The following CRTC1 variants were observed in gnomAD, a reference collection of about 807,000 sequenced individuals.
CRTC1 encodes the protein CREB regulated transcription coactivator 1.
CRTC1 carries 18 observed loss-of-function variants against 66.1 expected under a neutral mutation model. That is an observed-to-expected ratio of 0.27 (90% CI 0.19 to 0.40). The LOEUF is 0.40. Among genes scored for constraint, CRTC1 ranks in the 10% least tolerant of loss-of-function variants. The probability of loss-of-function intolerance (pLI) is 1.00; values close to 1 mark genes in which losing one functional copy is unlikely to be tolerated. For missense variants in CRTC1, 669 were observed against 887.9 expected, an observed-to-expected ratio of 0.75 and a Z score of 3.13; for synonymous variants, 416 against 398.8, an observed-to-expected ratio of 1.04 and a Z score of -0.51.
intron 11 of CRTC1, among the ~76,000 whole-genome samples, chr19:18,774,619 A>T (rs756385036): frequency 6.6e-6 from 1 of 152,064 alleles, no homozygotes; most frequent in African/African-American, 2.4e-5. Context: ...CTTCCCTGTG[A>T]TGGAGATAGA....
chr19:18,746,086 C>A, intron 3 of CRTC1, 126 bp downstream of exon 3: 3 of 1,315,624 alleles, frequency 2.3e-6, no homozygotes, highest in Non-Finnish European at 3.1e-6. Flanking sequence ...ATCAGGGCAG[C>A]ACCATCTGGG....
chr19:18,718,462 G>A (rs1011901215), intron 1 of CRTC1, among the ~76,000 whole-genome samples: 2 of 151,020 alleles, frequency 1.3e-5, no homozygotes, highest in Non-Finnish European at 2.9e-5. Context: ...TCTGCCTCTC[G>A]AATAGCTGAA....
At chr19:18,754,710 T>C (rs969608575) in intron 6 of CRTC1, among the ~76,000 whole-genome samples, 1 of 152,194 alleles carries the variant, frequency 6.6e-6, no homozygotes, top group African/African-American at 2.4e-5. Flanking sequence ...GGAGATAAGA[T>C]TCTGAAGAAA....
intron 1 of CRTC1, among the ~76,000 whole-genome samples, chr19:18,690,440 C>A (rs188895012): frequency 6.6e-6 from 1 of 152,262 alleles, no homozygotes; most frequent in Non-Finnish European, 1.5e-5. Flanking sequence ...AGGCAGGACT[C>A]CCTGAGCTGC....
At chr19:18,753,116 TAAA>T (rs929662181) in intron 5 of CRTC1, among the ~76,000 whole-genome samples, 3 of 147,650 alleles carry the variant, frequency 2.0e-5, no homozygotes. Flanking sequence ...ATAAAAAAAA[TAAA>T]AAAAAAATTA....
At chr19:18,702,954 C>CTT (rs939920068) in intron 1 of CRTC1, among the ~76,000 whole-genome samples, 21 of 149,104 alleles carry the variant, frequency 1.4e-4, no homozygotes, top group African/African-American at 5.2e-4. Context: ...TGTCACAGTT[C>CTT]TTTTTTTTTT....
intron 12 of CRTC1, among the ~76,000 whole-genome samples, 170 bp downstream of exon 12, chr19:18,775,156 A>G (rs2145867250): frequency 6.6e-6 from 1 of 152,276 alleles, no homozygotes; most frequent in East Asian, 1.9e-4. Context: ...CGGGCTATGG[A>G]GGCTGAGTCC....
In CRTC1 at chr19:18,768,775, G is replaced by A; in HGVS notation, c.1302G>A (p.Met434Ile). The A allele has an allele frequency of 6.2e-7, 1 of 1,602,502 alleles. No homozygotes were observed. The highest frequency in any genetic ancestry group is 8.5e-7 in the Non-Finnish European group (1 of 1,175,776). The change falls in exon 10 of 14, where the codon ATG (methionine) becomes ATA (isoleucine). Residue 434 changes from methionine to isoleucine, a missense_variant. Met to Ile is a conservative substitution (Grantham distance 10). Coordinates refer to ENST00000321949, the MANE Select transcript of CRTC1 (RefSeq NM_015321.3). This position sits in a 1 kb window ranked among gnomAD's most constrained non-coding sequence, Gnocchi z 5.6. ...CAGAGAACCCTGGCCAGCCATCGAT[G>A]GGGATCGACATCGCCTCGGTAAGCC... ...SPPENPGQPS[M>I]GIDIASAPAL...
intron 11 of CRTC1, among the ~76,000 whole-genome samples, chr19:18,773,080 G>T (rs2054905389): frequency 6.6e-6 from 1 of 152,228 alleles, no homozygotes; most frequent in Non-Finnish European, 1.5e-5. Flanking sequence ...TGGGCAGCGA[G>T]CAGGTGGCGG....
At chr19:18,702,507 C>A (rs2053167503) in intron 1 of CRTC1, among the ~76,000 whole-genome samples, 1 of 151,156 alleles carries the variant, frequency 6.6e-6, no homozygotes, top group Admixed American at 6.6e-5. Context: ...GGCTTGAGCC[C>A]CATACCTGGC....
chr19:18,753,145 G>A (rs1011799762), intron 5 of CRTC1, among the ~76,000 whole-genome samples: 16 of 151,832 alleles, frequency 1.1e-4, no homozygotes, highest in East Asian at 1.9e-4. Flanking sequence ...GCATCGTGGC[G>A]GGCACCTGTA....
rs111554578 is a variant in CRTC1, at chr19:18,704,523, T to G, written c.126+20695T>G. 2.3e-3 allele frequency among the ~76,000 whole-genome samples: 351 copies of G among 152,214 alleles called. 1 individual carries two copies. Among genetic ancestry groups the G allele is most frequent in the African/African-American group, 7.9e-3 (330 of 41,526 alleles). ...GGTGAGGAGTTCGAGACCAGTCTAGTCAACATGTTGAAACCCCGTCTCTAT... is the reference window on the plus strand; with the variant it reads ...GGTGAGGAGTTCGAGACCAGTCTAGGCAACATGTTGAAACCCCGTCTCTAT... On this transcript the variant is annotated intron_variant, in intron 1 of 13. Coordinates refer to ENST00000321949, the MANE Select transcript of CRTC1 (RefSeq NM_015321.3).
chr19:18,716,614 G>T (rs1005608576), intron 1 of CRTC1, among the ~76,000 whole-genome samples: 2 of 152,184 alleles, frequency 1.3e-5, no homozygotes, highest in African/African-American at 4.8e-5. Flanking sequence ...GAGCCCAGCG[G>T]GCATTAGTGT....
intron 1 of CRTC1, among the ~76,000 whole-genome samples, chr19:18,734,051 A>G (rs8101102): frequency 0.041 from 6,226 of 152,120 alleles, 441 homozygotes; most frequent in African/African-American, 0.14. Flanking sequence ...GCAGTGAGTC[A>G]AGATCGCGCC....
intron 11 of CRTC1, among the ~76,000 whole-genome samples, chr19:18,773,980 T>C (rs2145862419): frequency 6.6e-6 from 1 of 152,338 alleles, no homozygotes; most frequent in Middle Eastern, 3.4e-3. Context: ...GCTTTGGGTC[T>C]GTGGAGACAT....
At chr19:18,688,050 T>C (rs1333204818) in intron 1 of CRTC1, among the ~76,000 whole-genome samples, 1 of 152,080 alleles carries the variant, frequency 6.6e-6, no homozygotes, top group Non-Finnish European at 1.5e-5. Flanking sequence ...TTGTCTGGCA[T>C]GTCTCAAGAG....
At position 18,702,647 on chromosome 19, in the gene CRTC1, C is replaced by T. The variant is rs572827273; in HGVS notation, c.126+18819C>T. ...CTCCCGGGTTCAAGCGATTCTCCTG[C>T]CCTCAGCCTCCCGAGTAGCTGGGAT... On this transcript the variant is annotated intron_variant, in intron 1 of 13. Transcript: ENST00000321949. Among the ~76,000 whole-genome samples the T allele has an allele frequency of 9.3e-5, 14 of 150,500 alleles. No homozygotes were observed. In the East Asian group the frequency reaches 2.8e-3, roughly 30 times the overall value.
chr19:18,759,911 C>G (rs1270067516), intron 7 of CRTC1, 97 bp from the exon 8 acceptor site: 4 of 1,020,488 alleles, frequency 3.9e-6, no homozygotes, highest in Non-Finnish European at 4.4e-6. Context: ...GGGGGGTGGC[C>G]TTTTGCACCC....
chr19:18,711,118 C>A (rs2053380847), intron 1 of CRTC1, among the ~76,000 whole-genome samples: 2 of 152,198 alleles, frequency 1.3e-5, no homozygotes, highest in Admixed American at 1.3e-4. Flanking sequence ...CAGGGTGAGA[C>A]CCGCATTCCC....
Sources: gnomAD v4.1 joint callset for allele counts (sites outside exome capture counted in the v4.1 genomes callset) on GRCh38, gnomAD v4.1.1 for gene constraint, Gnocchi (gnomAD v3.1) non-coding constraint, MANE v1.5 for transcripts, NCBI Gene and HGNC (gene_info 2026-07-23, HGNC 2026-07-21) for gene names.